The following ATAD1 variants were observed in gnomAD, a reference collection of about 807,000 sequenced individuals.
ATAD1 encodes the protein ATPase family AAA domain containing 1, also known as outer mitochondrial transmembrane helix translocase.
In ATAD1, 18 loss-of-function variants were observed where a neutral mutation model predicts 42.7. That is an observed-to-expected ratio of 0.42 (90% CI 0.29 to 0.63). The LOEUF (loss-of-function observed/expected upper bound fraction) is 0.63, where lower values mean the gene tolerates loss of function less well. Ranked by LOEUF, ATAD1 falls within the 20% of genes least tolerant of loss-of-function variation. The pLI is 0.19. For synonymous variants in ATAD1, 132 were observed against 143.1 expected (o/e 0.92, Z 0.55); for missense variants, 294 against 440.4 (o/e 0.67, Z 2.98).
At chr10:87,758,331 C>T (rs1854321999) in intron 8 of ATAD1, among the ~76,000 whole-genome samples, 1 of 151,748 alleles carries the variant, frequency 6.6e-6, no homozygotes, top group Non-Finnish European at 1.5e-5. Flanking sequence ...ATTTCCAAAC[C>T]AATAGAGGAA....
chr10:87,811,106 G>A (rs892060151), intron 2 of ATAD1, among the ~76,000 whole-genome samples: 3 of 152,096 alleles, frequency 2.0e-5, no homozygotes, highest in Admixed American at 2.0e-4. Flanking sequence ...GCCAAAGCGG[G>A]CAGATCACTT....
intron 1 of ATAD1, among the ~76,000 whole-genome samples, chr10:87,832,425 CGTGTTT>C (rs1857849871): frequency 2.6e-5 from 4 of 151,202 alleles, no homozygotes; most frequent in Admixed American, 2.6e-4. Context: ...TGCAGTGGGC[CGTGTTT>C]GTGTGGGACT....
At chr10:87,762,904 A>C (rs1232979957) in intron 8 of ATAD1, among the ~76,000 whole-genome samples, 1 of 80,394 alleles carries the variant, frequency 1.2e-5, no homozygotes, top group East Asian at 4.6e-4. Context: ...CCCCGTCTCT[A>C]CTAAAAAAAA....
intron 8 of ATAD1, among the ~76,000 whole-genome samples, chr10:87,764,289 G>T (rs909796683): frequency 4.0e-5 from 6 of 151,880 alleles, no homozygotes; most frequent in Non-Finnish European, 1.5e-5. Flanking sequence ...ATGAAACCCT[G>T]TCTCTATGAA....
At chr10:87,805,028 G>A (rs1436578221) in intron 2 of ATAD1, among the ~76,000 whole-genome samples, 1 of 152,158 alleles carries the variant, frequency 6.6e-6, no homozygotes, top group Non-Finnish European at 1.5e-5. Flanking sequence ...CCAGGATACT[G>A]TTTCTGATTT....
At chr10:87,757,061 T>TA (rs956654935) in intron 8 of ATAD1, 139 bp from the exon 9 acceptor site, 1 of 640,688 alleles carries the variant, frequency 1.6e-6, no homozygotes, top group African/African-American at 1.9e-5. Context: ...AAGCTTTTTT[T>TA]AACCACAAAA....
In ATAD1 at chr10:87,784,802, T is replaced by C. The variant is rs548242313; in HGVS notation, c.383-132A>G. 3.6e-5 allele frequency: 29 copies of C among 797,826 alleles called. No homozygotes were observed. The African/African-American group carries it at 4.2e-4, about 12-fold the overall frequency. 49.4% of individuals were successfully genotyped at this position (797,826 alleles called of 1,614,324 possible). A position where few individuals can be genotyped will look rare whatever the true frequency, so the allele number is the denominator to read the frequency against. On this transcript the variant is annotated intron_variant, in intron 4 of 9. Transcript: ENST00000680024. ...AATTCTGCTTTTATTTAATCTTGTT[T>C]ATAGTAGGTAAGATAGAAGAAAGGA...
intron 1 of ATAD1, among the ~76,000 whole-genome samples, chr10:87,838,736 TTCTCTCTC>T (rs112302394): frequency 7.6e-5 from 10 of 131,864 alleles, no homozygotes; most frequent in African/African-American, 1.6e-4. Context: ...CTCATTCATA[TTCTCTCTC>T]TCTCTCTCTC....
intron 5 of ATAD1, among the ~76,000 whole-genome samples, chr10:87,781,496 T>TG (rs1564753095): frequency 6.6e-6 from 1 of 152,190 alleles, no homozygotes; most frequent in Non-Finnish European, 1.5e-5. Flanking sequence ...ACAAGAAACT[T>TG]AAAATGCTGC....
intron 5 of ATAD1, 31 bp downstream of exon 5, chr10:87,784,439 T>C: frequency 1.9e-6 from 3 of 1,598,688 alleles, no homozygotes; most frequent in Non-Finnish European, 2.6e-6. Context: ...AAATGGCCTT[T>C]AAAAATACTC....
intron 2 of ATAD1, among the ~76,000 whole-genome samples, chr10:87,806,669 C>G (rs926870957): frequency 6.6e-6 from 1 of 152,050 alleles, no homozygotes; most frequent in East Asian, 1.9e-4. Context: ...CTTTTCTCCG[C>G]GAATATTATG....
chr10:87,836,933 G>T (rs1857941075), intron 1 of ATAD1, among the ~76,000 whole-genome samples: 1 of 151,992 alleles, frequency 6.6e-6, no homozygotes, highest in African/African-American at 2.4e-5. Flanking sequence ...TTCACTGACT[G>T]TTTCCTCTCT....
intron 1 of ATAD1, among the ~76,000 whole-genome samples, chr10:87,827,076 G>T (rs1357783284): frequency 6.6e-6 from 1 of 152,186 alleles, no homozygotes; most frequent in Non-Finnish European, 1.5e-5. Flanking sequence ...GGTAGGTGAA[G>T]AACAAATATA....
At chr10:87,786,681 T>G (rs1855849228) in intron 4 of ATAD1, among the ~76,000 whole-genome samples, 1 of 152,124 alleles carries the variant, frequency 6.6e-6, no homozygotes, top group Non-Finnish European at 1.5e-5. Flanking sequence ...TTTATCCCCA[T>G]TCCTGTGGCT....
rs1431352387 is a variant in ATAD1, at chr10:87,802,859, T to C, written c.163-10104A>G. On this transcript the variant is annotated intron_variant, in intron 2 of 9. Coordinates refer to ENST00000680024, the MANE Select transcript of ATAD1 (RefSeq NM_001321967.2). ...ATTTTTCAATTTTTATTATTTTCTA[T>C]AGTTTAGACAGAATTCAAACTTTTC... Among the ~76,000 whole-genome samples the C allele has an allele frequency of 1.2e-4, 18 of 152,240 alleles. 1 individual carries two copies. Among genetic ancestry groups the C allele is most frequent in the Admixed American group, 1.2e-3 (18 of 15,286 alleles).
rs1856172570 is a variant in ATAD1, at chr10:87,792,510, T to C, written c.261+147A>G. On this transcript the variant is annotated intron_variant, in intron 3 of 9. Transcript: ENST00000680024. Reference sequence around the variant, plus strand: ...TGTATCTTTTCAGTGTAATAAATCATATACAGGAATACAACTATATGCCGA... The same window carrying C: ...TGTATCTTTTCAGTGTAATAAATCACATACAGGAATACAACTATATGCCGA... 1.8e-5 allele frequency: 11 copies of C among 611,912 alleles called. No homozygotes were observed. The East Asian group carries it at 3.0e-4, about 17-fold the overall frequency. The allele number at this position is 611,912 out of a possible 1,614,324, so 37.9% of individuals were successfully genotyped here.
rs562674284 is a variant in ATAD1, at chr10:87,807,978, T to C, written c.162+6460A>G. On this transcript the variant is annotated intron_variant, in intron 2 of 9. Transcript: ENST00000680024. ...CTAAACTTTCAATAGTTTTATAATT[T>C]TCTCTATGAATGTGTTGTATGTCTT... 4.1e-3 allele frequency among the ~76,000 whole-genome samples: 623 copies of C among 152,342 alleles called. 2 individuals carry two copies. The highest frequency in any genetic ancestry group is 7.2e-3 in the Non-Finnish European group (493 of 68,020).
chr10:87,791,076 G>C (rs1856082385), intron 3 of ATAD1, among the ~76,000 whole-genome samples: 1 of 149,060 alleles, frequency 6.7e-6, no homozygotes, highest in African/African-American at 2.5e-5. Context: ...GTAGTGGTGT[G>C]TGCCTGTAGT....
intron 1 of ATAD1, among the ~76,000 whole-genome samples, chr10:87,816,723 C>T (rs914452160): frequency 1.3e-5 from 2 of 152,144 alleles, no homozygotes; most frequent in Admixed American, 6.5e-5. Context: ...AAAAAACTGA[C>T]TTTTCTAGTC....
Sources: gnomAD v4.1 joint callset for allele counts (sites outside exome capture counted in the v4.1 genomes callset) on GRCh38, gnomAD v4.1.1 for gene constraint, MANE v1.5 for transcripts, NCBI Gene and HGNC (gene_info 2026-07-23, HGNC 2026-07-21) for gene names.